The following FOCAD variants were observed in gnomAD, a reference collection of about 807,000 sequenced individuals.
FOCAD encodes the protein KIAA1797.
FOCAD carries 198 observed loss-of-function variants against 225.6 expected under a neutral mutation model. The observed-to-expected ratio is 0.88, with a 90% CI of 0.78 to 0.99. FOCAD has a LOEUF of 0.99. FOCAD is among the 50% of genes least tolerant of loss of function. The probability of loss-of-function intolerance (pLI) is 0.00; values close to 1 mark genes in which losing one functional copy is unlikely to be tolerated. For missense variants in FOCAD, 2,713 were observed against 2,123.6 expected, an observed-to-expected ratio of 1.28 and a Z score of -5.46; for synonymous variants, 897 against 755.0, an observed-to-expected ratio of 1.19 and a Z score of -3.08.
intron 21 of FOCAD, among the ~76,000 whole-genome samples, chr9:20,904,704 A>G (rs1832813577): frequency 6.6e-6 from 1 of 152,002 alleles, no homozygotes; most frequent in Non-Finnish European, 1.5e-5. Flanking sequence ...AAAAAATTTC[A>G]CACATTCATT....
intron 33 of FOCAD, among the ~76,000 whole-genome samples, chr9:20,950,253 A>T (rs911121144): frequency 1.3e-5 from 2 of 152,156 alleles, no homozygotes; most frequent in African/African-American, 4.8e-5. Context: ...ATATTTCATC[A>T]TACTTCTTTT....
chr9:20,746,203 G>A (rs1828021331), intron 5 of FOCAD, among the ~76,000 whole-genome samples: 1 of 152,140 alleles, frequency 6.6e-6, no homozygotes, highest in African/African-American at 2.4e-5. Flanking sequence ...CATTGTTTTT[G>A]CATTTTCTCC....
At chr9:20,745,075 C>G (rs1366143389) in intron 5 of FOCAD, among the ~76,000 whole-genome samples, 2 of 151,816 alleles carry the variant, frequency 1.3e-5, no homozygotes, top group Non-Finnish European at 2.9e-5. Context: ...GCTAGAACCC[C>G]TCTTTTGTGT....
intron 21 of FOCAD, among the ~76,000 whole-genome samples, chr9:20,897,978 C>G (rs1832240605): frequency 6.6e-6 from 1 of 151,644 alleles, no homozygotes; most frequent in Admixed American, 6.6e-5. Context: ...CTTTATTTCT[C>G]CTTTATTTTT....
At chr9:20,792,461 C>G (rs535476663) in intron 11 of FOCAD, among the ~76,000 whole-genome samples, 106 of 152,322 alleles carry the variant, frequency 7.0e-4, no homozygotes, top group Non-Finnish European at 1.2e-4. Context: ...GTTCCTTCCT[C>G]AAAACGTATC....
chr9:20,940,057 T>G lies in FOCAD; in HGVS notation c.3408-4570T>G, dbSNP rs1836487968. Among the ~76,000 whole-genome samples, 3 of 152,036 alleles carry G rather than the reference T, an allele frequency of 2.0e-5. No homozygotes were observed. The South Asian group carries it at 6.2e-4, about 31-fold the overall frequency. On this transcript the variant is annotated intron_variant, in intron 28 of 43. Coordinates refer to ENST00000338382, the MANE Select transcript of FOCAD (RefSeq NM_001375567.1). ...TGACTGAGAACATGCTGCGTTTGGT[T>G]TTCTATCCTTTTTAATGAACAACTA...
intron 10 of FOCAD, among the ~76,000 whole-genome samples, chr9:20,788,151 A>G (rs1381796582): frequency 6.6e-6 from 1 of 152,246 alleles, no homozygotes; most frequent in Admixed American, 6.5e-5. Flanking sequence ...GAAATGAATT[A>G]TTGATAGAAG....
intron 1 of FOCAD, among the ~76,000 whole-genome samples, chr9:20,694,018 A>AT (rs545948680): frequency 7.0e-4 from 106 of 152,282 alleles, no homozygotes; most frequent in African/African-American, 2.3e-3. Context: ...GCTGCAATCC[A>AT]TTTTTTAAAA....
At chr9:20,751,158 T>G (rs1016274212) in intron 5 of FOCAD, among the ~76,000 whole-genome samples, 15 of 152,036 alleles carry the variant, frequency 9.9e-5, no homozygotes, top group Middle Eastern at 3.4e-3. Context: ...ACTTCCATTT[T>G]TTTTTTTAAT....
At chr9:20,786,188 A>T (rs544408854) in intron 10 of FOCAD, among the ~76,000 whole-genome samples, 2 of 152,226 alleles carry the variant, frequency 1.3e-5, no homozygotes, top group South Asian at 4.1e-4. Context: ...ACAATATTTT[A>T]TCATCTTTGT....
chr9:20,889,952 C>G (rs1831473616), intron 21 of FOCAD, among the ~76,000 whole-genome samples: 2 of 152,152 alleles, frequency 1.3e-5, no homozygotes, highest in South Asian at 2.1e-4. Flanking sequence ...TTACATATCC[C>G]TAAGTATTTT....
intron 19 of FOCAD, among the ~76,000 whole-genome samples, chr9:20,879,505 G>GT (rs1416265818): frequency 2.6e-5 from 4 of 152,060 alleles, no homozygotes; most frequent in African/African-American, 9.7e-5. Context: ...TGTATCAATT[G>GT]TTTTTTCTTT....
At chr9:20,938,383 T>C (rs1441577411) in intron 28 of FOCAD, among the ~76,000 whole-genome samples, 2 of 152,082 alleles carry the variant, frequency 1.3e-5, no homozygotes, top group East Asian at 1.9e-4. Flanking sequence ...ATATACACCA[T>C]GGAATACTAT....
chr9:20,866,304 C>T (rs565257985), intron 17 of FOCAD, among the ~76,000 whole-genome samples: 25 of 152,042 alleles, frequency 1.6e-4, no homozygotes, highest in African/African-American at 5.8e-4. Context: ...ACCAAACAAA[C>T]AAAAAGTCCA....
At chr9:20,915,204 A>C in intron 23 of FOCAD, among the ~76,000 whole-genome samples, 1 of 152,170 alleles carries the variant, frequency 6.6e-6, no homozygotes, top group Non-Finnish European at 1.5e-5. Context: ...AGAGAGGTGA[A>C]TTTAGGAAAC....
chr9:20,814,947 G>A (rs897082579), intron 11 of FOCAD, among the ~76,000 whole-genome samples: 1 of 151,694 alleles, frequency 6.6e-6, no homozygotes, highest in African/African-American at 2.4e-5. Flanking sequence ...AATATTATAG[G>A]ATTCTTTGTT....
intron 11 of FOCAD, among the ~76,000 whole-genome samples, chr9:20,809,342 A>G (rs1001397460): frequency 2.6e-5 from 4 of 152,190 alleles, no homozygotes; most frequent in Non-Finnish European, 4.4e-5. Flanking sequence ...GTCACATGTA[A>G]CTATTAAGCC....
At chr9:20,714,638 T>TGCCTGCCTGCCTG (rs1563905518) in intron 1 of FOCAD, among the ~76,000 whole-genome samples, 1,293 of 54,966 alleles carry the variant, frequency 0.024, 31 homozygotes, top group Middle Eastern at 0.043. Flanking sequence ...CTGCCTGCCT[T>TGCCTGCCTGCCTG]CCTTCCTTCC....
chr9:20,764,138 A>T (rs781387315), intron 6 of FOCAD, among the ~76,000 whole-genome samples: 7 of 152,108 alleles, frequency 4.6e-5, no homozygotes, highest in African/African-American at 7.2e-5. Flanking sequence ...TCATCTTGGG[A>T]TGTTTGTCTG....
Sources: gnomAD v4.1 joint callset for allele counts (sites outside exome capture counted in the v4.1 genomes callset) on GRCh38, gnomAD v4.1.1 for gene constraint, MANE v1.5 for transcripts, NCBI Gene and HGNC (gene_info 2026-07-23, HGNC 2026-07-21) for gene names.